The following AKAP7 variants were observed in gnomAD, a reference collection of about 807,000 sequenced individuals.
The protein encoded by AKAP7 is A kinase (PRKA) anchor protein 7.
Under a neutral mutation model 39.5 loss-of-function variants are expected in AKAP7, and 39 were observed. That is an observed-to-expected ratio of 0.99 (90% CI 0.76 to 1.29). The LOEUF (loss-of-function observed/expected upper bound fraction) is 1.29. AKAP7 is among the 50% of genes most tolerant of loss of function. AKAP7 has a pLI of 0.00. For missense variants in AKAP7, 414 were observed against 407.7 expected (o/e 1.02, Z -0.13); for synonymous variants, 140 against 139.1 (o/e 1.01, Z -0.05).
At chr6:131,241,685 G>A (rs954847003) in intron 7 of AKAP7, among the ~76,000 whole-genome samples, 1 of 143,096 alleles carries the variant, frequency 7.0e-6, no homozygotes, top group African/African-American at 2.6e-5. Flanking sequence ...TCAAGCTATG[G>A]GTATGAATGA....
intron 2 of AKAP7, among the ~76,000 whole-genome samples, chr6:131,148,352 AGGCTCCAACTTATACATGG>A (rs1801639748): frequency 6.6e-6 from 1 of 152,196 alleles, no homozygotes; most frequent in Non-Finnish European, 1.5e-5. Context: ...TGAAAATTCC[AGGCTCCAACTTATACATGG>A]GCAGCGTGGT....
intron 7 of AKAP7, among the ~76,000 whole-genome samples, chr6:131,269,009 A>G (rs779555493): frequency 1.3e-5 from 2 of 152,216 alleles, no homozygotes; most frequent in Non-Finnish European, 2.9e-5. Flanking sequence ...TCAATGATAG[A>G]CATACTTCTG....
intron 7 of AKAP7, chr6:131,241,993 A>G (rs1811662641): frequency 1.1e-6 from 1 of 908,220 alleles, no homozygotes. Flanking sequence ...AGTATATTTT[A>G]TTTCCCTTTA....
intron 1 of AKAP7, among the ~76,000 whole-genome samples, chr6:131,140,963 A>G (rs1284645307): frequency 6.6e-6 from 1 of 152,226 alleles, no homozygotes; most frequent in East Asian, 1.9e-4. Flanking sequence ...GTGAACTGAC[A>G]GTTGTTGAAC....
At chr6:131,177,032 A>G (rs1386031319) in intron 5 of AKAP7, among the ~76,000 whole-genome samples, 1 of 152,126 alleles carries the variant, frequency 6.6e-6, no homozygotes, top group Non-Finnish European at 1.5e-5. Context: ...CTCCAAGCAC[A>G]CTTCATCCTT....
intron 3 of AKAP7, among the ~76,000 whole-genome samples, chr6:131,162,435 C>T (rs1352119783): frequency 5.3e-5 from 8 of 152,124 alleles, no homozygotes; most frequent in African/African-American, 9.7e-5. Context: ...TCACAGACTC[C>T]GCTGCATGTG....
At chr6:131,222,449 T>C (rs1425805705) in intron 7 of AKAP7, among the ~76,000 whole-genome samples, 2 of 151,584 alleles carry the variant, frequency 1.3e-5, no homozygotes, top group East Asian at 1.9e-4. Context: ...ATGGTGTGAA[T>C]CCAGGAGGCG....
chr6:131,231,863 A>G (rs1810651607), intron 7 of AKAP7, among the ~76,000 whole-genome samples: 1 of 152,172 alleles, frequency 6.6e-6, no homozygotes, highest in South Asian at 2.1e-4. Context: ...TGTTTCTTTG[A>G]TGAAACATGC....
intron 7 of AKAP7, among the ~76,000 whole-genome samples, chr6:131,234,291 C>T (rs1810856750): frequency 6.6e-6 from 1 of 152,052 alleles, no homozygotes; most frequent in African/African-American, 2.4e-5. Context: ...CAAACACAGC[C>T]GTGCTCTCAG....
chr6:131,195,414 T>C (rs1257605069), intron 5 of AKAP7, among the ~76,000 whole-genome samples: 4 of 152,170 alleles, frequency 2.6e-5, no homozygotes, highest in Non-Finnish European at 5.9e-5. Context: ...TGGTAGTTAT[T>C]ATTTTGATTG....
chr6:131,194,691 T>C (rs995997377), intron 5 of AKAP7, among the ~76,000 whole-genome samples: 1 of 152,162 alleles, frequency 6.6e-6, no homozygotes, highest in African/African-American at 2.4e-5. Flanking sequence ...GCTCTAAAAA[T>C]ATTTCCTTTG....
intron 7 of AKAP7, 27 bp downstream of exon 7, chr6:131,219,835 TATC>T: frequency 7.1e-7 from 1 of 1,404,702 alleles, no homozygotes. Flanking sequence ...AATTATTTAT[TATC>T]TTTATTTTTA....
chr6:131,180,336 C>CA (rs1341882321), intron 5 of AKAP7, among the ~76,000 whole-genome samples: 5 of 152,184 alleles, frequency 3.3e-5, no homozygotes, highest in Non-Finnish European at 7.3e-5. Flanking sequence ...TCTGTGTTTT[C>CA]AACCCTTTGT....
intron 7 of AKAP7, among the ~76,000 whole-genome samples, chr6:131,275,363 T>C (rs188109799): frequency 6.6e-6 from 1 of 152,344 alleles, no homozygotes; most frequent in East Asian, 1.9e-4. Flanking sequence ...GTTGTGCAGA[T>C]AGAAAATGCC....
At chr6:131,150,062 GCCCA>G (rs1237084367) in intron 2 of AKAP7, among the ~76,000 whole-genome samples, 1 of 152,064 alleles carries the variant, frequency 6.6e-6, no homozygotes, top group African/African-American at 2.4e-5. Context: ...CCAGTGATCC[GCCCA>G]CCTCAGTCTC....
At chr6:131,229,475 A>G (rs1389679237) in intron 7 of AKAP7, among the ~76,000 whole-genome samples, 1 of 152,006 alleles carries the variant, frequency 6.6e-6, no homozygotes, top group African/African-American at 2.4e-5. Flanking sequence ...CAGCCTCCCA[A>G]GTAGTTGGGA....
chr6:131,249,259 T>C (rs1006320411), intron 7 of AKAP7, among the ~76,000 whole-genome samples: 2 of 152,158 alleles, frequency 1.3e-5, no homozygotes, highest in Non-Finnish European at 2.9e-5. Flanking sequence ...TCAAATACTC[T>C]TTGATATTTG....
At chr6:131,210,949 C>T (rs1808588492) in intron 6 of AKAP7, among the ~76,000 whole-genome samples, 1 of 152,184 alleles carries the variant, frequency 6.6e-6, no homozygotes, top group South Asian at 2.1e-4. Context: ...GGCCAAATAT[C>T]TCTAGAATTT....
At chr6:131,182,861 G>A (rs892939820) in intron 5 of AKAP7, among the ~76,000 whole-genome samples, 2 of 151,450 alleles carry the variant, frequency 1.3e-5, no homozygotes, top group East Asian at 1.9e-4. Context: ...CAGCTTCATC[G>A]TTCTTTATAA....
Sources: gnomAD v4.1 joint callset for allele counts (sites outside exome capture counted in the v4.1 genomes callset) on GRCh38, gnomAD v4.1.1 for gene constraint, MANE v1.5 for transcripts, NCBI Gene and HGNC (gene_info 2026-07-23, HGNC 2026-07-21) for gene names.